The following BUB3 variants were observed in gnomAD, a reference collection of about 807,000 sequenced individuals.
BUB3 encodes BUB3 mitotic checkpoint protein, also known as mitotic checkpoint protein BUB3.
In BUB3, 22 loss-of-function variants were observed where a neutral mutation model predicts 39.9. That is an observed-to-expected ratio of 0.55 (90% CI 0.39 to 0.79). The LOEUF is 0.79. BUB3 is among the 30% of genes least tolerant of loss of function. The probability of loss-of-function intolerance (pLI) is 0.00; values close to 1 mark genes in which losing one functional copy is unlikely to be tolerated. For synonymous variants in BUB3, 168 were observed against 155.1 expected (o/e 1.08, Z -0.62); for missense variants, 303 against 415.4 (o/e 0.73, Z 2.35).
At chr10:123,162,204 A>C (rs1183132348) in intron 5 of BUB3, 32 bp from the exon 6 acceptor site, 2 of 1,586,880 alleles carry the variant, frequency 1.3e-6, no homozygotes, top group Middle Eastern at 1.7e-4. Context: ...GCTGGAATTT[A>C]CCATTTTTTT....
chr10:123,160,724 A>G lies in BUB3; in HGVS notation c.576+159A>G, dbSNP rs139850493. Among the ~76,000 whole-genome samples the G allele has an allele frequency of 7.9e-5, 12 of 151,968 alleles. No individual in the cohort carries two copies. In the South Asian group the frequency reaches 8.3e-4, roughly 11 times the overall value. On this transcript the variant is annotated intron_variant, in intron 5 of 7. Transcript: ENST00000368865. ...TTCTTCCTTGATATTTTTGACAGCC[A>G]TGTGTTAACAGGAAGTGCGTTAACC...
At chr10:123,160,264 G>C (rs1184920889) in intron 4 of BUB3, 143 bp from the exon 5 acceptor site, 1 of 631,314 alleles carries the variant, frequency 1.6e-6, no homozygotes, top group Non-Finnish European at 2.6e-6. Context: ...AATAATTGCA[G>C]TATCTAAAAT....
In BUB3 at chr10:123,157,805, A is replaced by C; in HGVS notation, c.342A>C (p.Gly114=). ...YCPEVNVMVT[G]SWDQTVKLWD... is the part of the protein sequence containing the mutation. The stretch of plus-strand genomic sequence containing the variant: ...CAGAAGTGAATGTGATGGTCACTGG[A>C]AGTTGGGATCAGACAGTTAAACTGT... The change falls in exon 4 of 8, where the codon GGA becomes GGC. Residue 114 remains glycine, a synonymous_variant. Transcript: ENST00000368865. 1 of 1,614,110 alleles carries C rather than the reference A, an allele frequency of 6.2e-7. No individual in the cohort carries two copies. The highest frequency in any genetic ancestry group is 1.1e-5 in the South Asian group (1 of 91,076).
In BUB3 at chr10:123,163,816, G is replaced by A. The variant is rs1241681961; in HGVS notation, c.972-4G>A. On this transcript the variant is annotated splice_polypyrimidine_tract_variant and splice_region_variant and intron_variant, in intron 7 of 7. Coordinates refer to ENST00000368865, the MANE Select transcript of BUB3 (RefSeq NM_004725.4). Reference sequence around the variant, plus strand: ...GCTGTTCTTTTTTTCTTTTGAACTTGTAGGTCACCATGTACTTGACAAGAT... The same window carrying A: ...GCTGTTCTTTTTTTCTTTTGAACTTATAGGTCACCATGTACTTGACAAGAT... 2 of 1,606,658 alleles carry A rather than the reference G, an allele frequency of 1.2e-6. No individual in the cohort carries two copies. The highest frequency in any genetic ancestry group is 3.4e-5 in the Admixed American group (2 of 59,566).
At chr10:123,155,492 G>A (rs937961390) in intron 2 of BUB3, among the ~76,000 whole-genome samples, 166 bp from the exon 3 acceptor site, 1 of 152,192 alleles carries the variant, frequency 6.6e-6, no homozygotes, top group African/African-American at 2.4e-5. Flanking sequence ...AGACACAGGA[G>A]TTTAGTGACC....
chr10:123,164,571 A>G lies in BUB3; in HGVS notation c.*736A>G, dbSNP rs1446729395. On this transcript the variant is annotated 3_prime_UTR_variant, in exon 8 of 8. Coordinates refer to ENST00000368865, the MANE Select transcript of BUB3 (RefSeq NM_004725.4). Reference sequence around the variant, plus strand: ...AGACAGAGCATATCTGTGTATTTGGAAAAATAATTGTAACGTAATTGCAGT... The same window carrying G: ...AGACAGAGCATATCTGTGTATTTGGGAAAATAATTGTAACGTAATTGCAGT... 1.0e-6 allele frequency: 1 copy of G among 987,230 alleles called. No individual in the cohort carries two copies. Among genetic ancestry groups the G allele is most frequent in the East Asian group, 1.1e-4 (1 of 8,868 alleles). The allele number at this position is 987,230 out of a possible 1,614,324, so 61.2% of individuals were successfully genotyped here. A position where few individuals can be genotyped will look rare whatever the true frequency, so the allele number is the denominator to read the frequency against.
chr10:123,155,382 C>T lies in BUB3; in HGVS notation c.195+270C>T, dbSNP rs140729025. Reference sequence around the variant, plus strand: ...TACGATCATTATATTTGCAACAATACTGTTTTGGCTGCCGTATTGAAAGGA... The same window carrying T: ...TACGATCATTATATTTGCAACAATATTGTTTTGGCTGCCGTATTGAAAGGA... On this transcript the variant is annotated intron_variant, in intron 2 of 7. Coordinates refer to ENST00000368865, the MANE Select transcript of BUB3 (RefSeq NM_004725.4). Among the ~76,000 whole-genome samples the T allele has an allele frequency of 9.2e-5, 14 of 152,302 alleles. No individual in the cohort carries two copies. In the East Asian group the frequency reaches 2.7e-3, roughly 29 times the overall value.
Position 123,164,475 on chromosome 10 carries a change from A to G in BUB3, c.*640A>G, listed in dbSNP as rs2133572090. 1 of 985,694 alleles carries G rather than the reference A, an allele frequency of 1.0e-6. No individual in the cohort carries two copies. The allele number at this position is 985,694 out of a possible 1,614,324, so 61.1% of individuals were successfully genotyped here. A position where few individuals can be genotyped will look rare whatever the true frequency, so the allele number is the denominator to read the frequency against. On this transcript the variant is annotated 3_prime_UTR_variant, in exon 8 of 8. Transcript: ENST00000368865. ...CCTCCTAATATCATTTTGTGACTGT[A>G]AACAATTATTTATTAGCAAACAATT...
Position 123,160,482 on chromosome 10 carries a change from C to G in BUB3, c.493C>G (p.Arg165Gly), listed in dbSNP as rs1156977641. 1.9e-6 allele frequency: 3 copies of G among 1,613,374 alleles called. No homozygotes were observed. Among genetic ancestry groups the G allele is most frequent in the Non-Finnish European group, 2.5e-6 (3 of 1,179,912 alleles). The change falls in exon 5 of 8, where the codon CGG becomes GGG. Residue 165 changes from arginine (R) to glycine (G), a missense_variant. By Grantham distance (125) the Arg-to-Gly change is moderately radical. This residue lies in a region of BUB3 where 182 missense variants were observed against 293.1 expected (regional missense o/e 0.62). Transcript: ENST00000368865. Reference protein sequence around the residue: ...AGRRVLVWDLRNMGYVQQRRE... With the variant: ...AGRRVLVWDLGNMGYVQQRRE... ...CCGCAGAGTGTTGGTGTGGGACTTA[C>G]GGAACATGGGTTACGTGCAGCAGCG...
rs1397263229 is a variant in BUB3, at chr10:123,168,638, C to T, written c.*4803C>T. ...GATCTCCGCTCATTGCAAGCTCCGC[C>T]TCTCGGGTTCAAGCAATTCTCCTGC... On this transcript the variant is annotated 3_prime_UTR_variant, in exon 8 of 8. Coordinates refer to ENST00000368865, the MANE Select transcript of BUB3 (RefSeq NM_004725.4). 1 of 152,186 alleles carries T rather than the reference C, an allele frequency of 6.6e-6. No homozygotes were observed. Among genetic ancestry groups the T allele is most frequent in the East Asian group, 1.9e-4 (1 of 5,192 alleles). The allele number at this position is 152,186 out of a possible 1,614,324, so 9.4% of individuals were successfully genotyped here.
chr10:123,170,274 A>G lies in BUB3; in HGVS notation c.*6439A>G, dbSNP rs1451873553. The G allele has an allele frequency of 1.3e-5, 2 of 152,118 alleles. No individual in the cohort carries two copies. Among genetic ancestry groups the G allele is most frequent in the Non-Finnish European group, 2.9e-5 (2 of 68,020 alleles). 9.4% of individuals were successfully genotyped at this position (152,118 alleles called of 1,614,324 possible). A position where few individuals can be genotyped will look rare whatever the true frequency, so the allele number is the denominator to read the frequency against. ...TTTAGATTCTTTTTTCTTTTACATG[A>G]TGTAGTTCTCAGATATATACGGGAT... On this transcript the variant is annotated 3_prime_UTR_variant, in exon 8 of 8. Coordinates refer to ENST00000368865, the MANE Select transcript of BUB3 (RefSeq NM_004725.4).
chr10:123,160,270 A>G (rs964850643), intron 4 of BUB3, 137 bp from the exon 5 acceptor site: 1 of 736,326 alleles, frequency 1.4e-6, no homozygotes. Context: ...TGCAGTATCT[A>G]AAATTGTTAT....
chr10:123,155,517 G>T, intron 2 of BUB3, 141 bp from the exon 3 acceptor site: 1 of 744,682 alleles, frequency 1.3e-6, no homozygotes, highest in Admixed American at 2.6e-5. Flanking sequence ...GCTTTTTTAT[G>T]CTGTTTTTTG....
In BUB3 at chr10:123,160,455, G is replaced by T; in HGVS notation, c.466G>T (p.Gly156Cys). The T allele has an allele frequency of 6.2e-7, 1 of 1,613,138 alleles. No homozygotes were observed. The change falls in exon 5 of 8, where the codon GGC becomes TGC. Residue 156 changes from glycine to cysteine, a missense_variant. Physicochemically the swap from Gly to Cys is radical, Grantham distance 159. This residue lies in a region of BUB3 where 182 missense variants were observed against 293.1 expected (regional missense o/e 0.62). Transcript: ENST00000368865. ...SGDRLIVGTA[G>C]RRVLVWDLRN... is the part of the protein sequence containing the mutation. ...AGACCGGCTGATTGTGGGAACAGCA[G>T]GCCGCAGAGTGTTGGTGTGGGACTT...
intron 4 of BUB3, among the ~76,000 whole-genome samples, chr10:123,158,256 T>C (rs2133567040): frequency 6.6e-6 from 1 of 152,330 alleles, no homozygotes; most frequent in Middle Eastern, 3.4e-3. Flanking sequence ...TATTTTCATT[T>C]GTTATCTGAG....
chr10:123,162,803 G>T lies in BUB3; in HGVS notation c.946G>T (p.Val316Leu). ...TGAAGATGGTATCTTCATTCGCCAA[G>T]TGACAGATGCAGAAACAAAACCCAA... ...HPEDGIFIRQ[V>L]TDAETKPKSP... The change falls in exon 7 of 8, where the codon GTG becomes TTG. Residue 316 changes from valine (V) to leucine (L), a missense_variant. Coordinates refer to ENST00000368865, the MANE Select transcript of BUB3 (RefSeq NM_004725.4). 6.2e-7 allele frequency: 1 copy of T among 1,613,256 alleles called. No individual in the cohort carries two copies. Among genetic ancestry groups the T allele is most frequent in the Non-Finnish European group, 8.5e-7 (1 of 1,179,802 alleles).
intron 5 of BUB3, among the ~76,000 whole-genome samples, chr10:123,161,274 G>T (rs1238806937): frequency 2.6e-5 from 4 of 152,184 alleles, no homozygotes; most frequent in African/African-American, 7.2e-5. Flanking sequence ...GGTATCTTAT[G>T]GCTGTCCTTT....
Position 123,162,768 on chromosome 10 carries a change from C to T in BUB3, c.911C>T (p.Thr304Ile), listed in dbSNP as rs146645506. The T allele has an allele frequency of 6.2e-7, 1 of 1,613,956 alleles. No homozygotes were observed. Among genetic ancestry groups the T allele is most frequent in the Non-Finnish European group, 8.5e-7 (1 of 1,179,966 alleles). ...TCATATATGTATGAAATGGATGACA[C>T]AGAACATCCTGAAGATGGTATCTTC... The part of the protein sequence containing the change: ...ASSYMYEMDD[T>I]EHPEDGIFIR... Residue 304 changes from threonine (T) to isoleucine (I), a missense_variant, in exon 7 of 8, where the codon ACA becomes ATA. Thr to Ile is a moderately conservative substitution (Grantham distance 89). Transcript: ENST00000368865.
At position 123,157,177 on chromosome 10, in the gene BUB3, C is replaced by T. The variant is rs146446207; in HGVS notation, c.266-552C>T. On this transcript the variant is annotated intron_variant, in intron 3 of 7. Transcript: ENST00000368865. ...AAATGTCTATTGAAAATTTGAACCACAGTGGAACCAAGTGCAGTAATGAGA... is the reference window on the plus strand; with the variant it reads ...AAATGTCTATTGAAAATTTGAACCATAGTGGAACCAAGTGCAGTAATGAGA... Among the ~76,000 whole-genome samples, 4 of 152,322 alleles carry T rather than the reference C, an allele frequency of 2.6e-5. No individual in the cohort carries two copies. In the East Asian group the frequency reaches 7.7e-4, roughly 29 times the overall value.
Sources: gnomAD v4.1 joint callset for allele counts (sites outside exome capture counted in the v4.1 genomes callset) on GRCh38, gnomAD v4.1.1 for gene constraint, gnomAD v4.1.1 regional missense constraint, MANE v1.5 for transcripts, NCBI Gene and HGNC (gene_info 2026-07-23, HGNC 2026-07-21) for gene names.